Variants in ARHGAP6 observed in about 807,000 individuals in gnomAD.
ARHGAP6 encodes rho GTPase-activating protein 6.
A neutral mutation model predicts 55.7 loss-of-function variants in ARHGAP6; 16 were observed. That is an observed-to-expected ratio of 0.29 (90% CI 0.19 to 0.44). The LOEUF is 0.44. ARHGAP6 is among the 20% of genes least tolerant of loss of function. ARHGAP6 has a pLI of 1.00. For missense variants in ARHGAP6, 698 were observed against 808.9 expected (o/e 0.86, Z 1.66); for synonymous variants, 382 against 360.9 (o/e 1.06, Z -0.66).
At chrX:11,265,993 G>A in intron 1 of ARHGAP6, 1 of 917,049 alleles carries the variant, frequency 1.1e-6, no homozygotes, top group Non-Finnish European at 1.4e-6. Flanking sequence ...CTGAGTAAGT[G>A]CACAAATGAG....
intron 8 of ARHGAP6, among the ~76,000 whole-genome samples, chrX:11,173,683 C>G (rs2046126676): frequency 8.9e-6 from 1 of 112,458 alleles, no homozygotes; most frequent in African/African-American, 3.2e-5. Flanking sequence ...CAAAAAAGCA[C>G]TGATTGGTCA....
At chrX:11,480,364 A>G (rs1041948067) in intron 1 of ARHGAP6, among the ~76,000 whole-genome samples, 1 of 112,005 alleles carries the variant, frequency 8.9e-6, no homozygotes. Context: ...GTATAATTCC[A>G]TTTATATGAA....
At chrX:11,382,465 G>C (rs750370669) in intron 1 of ARHGAP6, among the ~76,000 whole-genome samples, 1 of 111,063 alleles carries the variant, frequency 9.0e-6, no homozygotes, top group African/African-American at 3.3e-5. Flanking sequence ...ATAAACTATT[G>C]GCCTATTTTC....
intron 1 of ARHGAP6, among the ~76,000 whole-genome samples, chrX:11,491,777 AG>A (rs1393467700): frequency 2.7e-5 from 3 of 110,502 alleles, no homozygotes; most frequent in African/African-American, 1.0e-4. Context: ...TAGATCCCTG[AG>A]GAATCGCCAC....
At chrX:11,289,607 C>T (rs757548763) in intron 1 of ARHGAP6, among the ~76,000 whole-genome samples, 17 of 112,020 alleles carry the variant, frequency 1.5e-4, no homozygotes, top group South Asian at 7.4e-4. Flanking sequence ...TGTTGACAAA[C>T]GCAGAGTGAC....
intron 1 of ARHGAP6, among the ~76,000 whole-genome samples, chrX:11,349,141 T>C (rs2048824938): frequency 9.1e-6 from 1 of 109,954 alleles, no homozygotes; most frequent in Non-Finnish European, 1.9e-5. Context: ...GGATAAGCAT[T>C]TTACTATTGG....
chrX:11,295,456 C>G (rs907084406), intron 1 of ARHGAP6, among the ~76,000 whole-genome samples: 7 of 111,343 alleles, frequency 6.3e-5, no homozygotes, highest in Admixed American at 1.9e-4. Context: ...ATTTTATATT[C>G]AAATGTATTA....
At chrX:11,223,638 G>A (rs767561462) in intron 2 of ARHGAP6, among the ~76,000 whole-genome samples, 3 of 111,941 alleles carry the variant, frequency 2.7e-5, no homozygotes, top group African/African-American at 9.7e-5. Context: ...ACCTTATGTC[G>A]TAAATAGGTT....
Position 11,386,972 on chromosome X carries a change from C to A in ARHGAP6, c.589-132265G>T, listed in dbSNP as rs191242501. On this transcript the variant is annotated intron_variant, in intron 1 of 12. Transcript: ENST00000337414. ...GCAGCAGTTGAAAGGAAGGCAGCAGCTGAAAGAAGGTCATGGATTAAGTAG... is the reference window on the plus strand; with the variant it reads ...GCAGCAGTTGAAAGGAAGGCAGCAGATGAAAGAAGGTCATGGATTAAGTAG... Among the ~76,000 whole-genome samples the A allele has an allele frequency of 3.8e-3, 423 of 112,052 alleles. 1 individual carries two copies. The highest frequency in any genetic ancestry group is 0.014 in the Middle Eastern group (3 of 216).
In ARHGAP6 at chrX:11,643,129, G is replaced by C. The variant is rs931538203; in HGVS notation, c.588+21112C>G. On this transcript the variant is annotated intron_variant, in intron 1 of 12. Transcript: ENST00000337414. ...CACACACAAAAGTTCATACTATAGA[G>C]TCCTTTCCCCTGCATGATTCCAGTC... Among the ~76,000 whole-genome samples the C allele has an allele frequency of 3.6e-5, 4 of 111,451 alleles. No individual in the cohort carries two copies. In the East Asian group the frequency reaches 8.5e-4, roughly 24 times the overall value.
intron 1 of ARHGAP6, among the ~76,000 whole-genome samples, chrX:11,527,011 A>AGTGTGTGTGTGTGTGT (rs59668043): frequency 5.3e-4 from 43 of 81,057 alleles, no homozygotes; most frequent in Admixed American, 1.0e-3. Context: ...TAATATGAGG[A>AGTGTGTGTGTGTGTGT]GTGTGTGTGT....
intron 1 of ARHGAP6, among the ~76,000 whole-genome samples, chrX:11,443,192 T>C (rs2050057814): frequency 8.9e-6 from 1 of 112,572 alleles, no homozygotes; most frequent in Non-Finnish European, 1.9e-5. Context: ...TTTTGTCTGG[T>C]TTCTCTTGTC....
intron 1 of ARHGAP6, among the ~76,000 whole-genome samples, chrX:11,408,169 T>A: frequency 9.0e-6 from 1 of 110,941 alleles, no homozygotes; most frequent in Non-Finnish European, 1.9e-5. Flanking sequence ...GGCTCCTAGG[T>A]CACAGATTGA....
chrX:11,654,917 C>T (rs1056457878), intron 1 of ARHGAP6, among the ~76,000 whole-genome samples: 1 of 111,914 alleles, frequency 8.9e-6, no homozygotes, highest in Non-Finnish European at 1.9e-5. Flanking sequence ...CCATATAATT[C>T]ACCCTTTTAA....
intron 1 of ARHGAP6, among the ~76,000 whole-genome samples, chrX:11,504,432 G>GT (rs2050711856): frequency 9.0e-6 from 1 of 111,209 alleles, no homozygotes; most frequent in African/African-American, 3.3e-5. Flanking sequence ...CTCCCCAGTT[G>GT]TAACAGTCAG....
At chrX:11,427,217 C>T (rs760326554) in intron 1 of ARHGAP6, among the ~76,000 whole-genome samples, 2 of 111,629 alleles carry the variant, frequency 1.8e-5, no homozygotes, top group African/African-American at 3.3e-5. Flanking sequence ...GCTGAATGAG[C>T]GACCTAGGCC....
chrX:11,417,415 G>A lies in ARHGAP6; in HGVS notation c.589-162708C>T, dbSNP rs138519398. Among the ~76,000 whole-genome samples, 13 of 108,830 alleles carry A rather than the reference G, an allele frequency of 1.2e-4. No homozygotes were observed. The East Asian group carries it at 2.0e-3, about 17-fold the overall frequency. The allele number at this position is 108,830 out of a possible 115,157, so 94.5% of individuals were successfully genotyped here. A position where few individuals can be genotyped will look rare whatever the true frequency, so the allele number is the denominator to read the frequency against. ...TGGACCAGCTGTGTATTTTGAATGC[G>A]GTAGTGGATATGCCAGTCTGTACAG... is the stretch of plus-strand genomic sequence containing the variant. On this transcript the variant is annotated intron_variant, in intron 1 of 12. Transcript: ENST00000337414.
At chrX:11,243,494 G>A (rs891092358) in intron 2 of ARHGAP6, among the ~76,000 whole-genome samples, 4 of 112,416 alleles carry the variant, frequency 3.6e-5, no homozygotes, top group Non-Finnish European at 7.5e-5. Flanking sequence ...TTGTAATGAA[G>A]ATTGACTTAT....
intron 4 of ARHGAP6, 117 bp downstream of exon 4, chrX:11,188,611 A>T: frequency 9.7e-7 from 1 of 1,028,732 alleles, no homozygotes; most frequent in Non-Finnish European, 1.3e-6. Context: ...GGCATTGTTG[A>T]CAGATACCTG....
Sources: allele counts gnomAD v4.1 joint callset (sites outside exome capture counted in the v4.1 genomes callset), GRCh38; gene constraint gnomAD v4.1.1; transcripts MANE v1.5; gene names NCBI Gene and HGNC (gene_info 2026-07-23, HGNC 2026-07-21).